The following ZNF750 variants were observed in gnomAD, a reference collection of about 807,000 sequenced individuals.
ZNF750 encodes the protein protein ZNF750.
A neutral mutation model predicts 31.6 loss-of-function variants in ZNF750; 10 were observed. The observed-to-expected ratio is 0.32, with a 90% CI of 0.19 to 0.54. The LOEUF is 0.54. ZNF750 is among the 20% of genes least tolerant of loss of function. ZNF750 has a pLI of 0.95. For synonymous variants in ZNF750, 400 were observed against 404.9 expected, an observed-to-expected ratio of 0.99 and a Z score of 0.15; for missense variants, 914 against 934.9, an observed-to-expected ratio of 0.98 and a Z score of 0.29.
At position 82,831,729 on chromosome 17, in the gene ZNF750, G is replaced by A. The variant is rs576200542; in HGVS notation, c.726C>T (p.Tyr242=). 1.9e-6 allele frequency: 3 copies of A among 1,614,198 alleles called. No homozygotes were observed. In the African/African-American group the frequency reaches 4.0e-5, roughly 22 times the overall value. ...SPYMHPTIPE[Y]PPHFYTEHGL... ...CGTGCTCTGTGTAAAAGTGAGGCGG[G>A]TACTCTGGGATTGTGGGGTGCATGT... is the stretch of plus-strand genomic sequence containing the variant. The change falls in exon 2 of 3, where the codon TAC becomes TAT. Residue 242 remains tyrosine (Y), a synonymous_variant. Transcript: ENST00000269394. The surrounding 1 kb of genome is among the most constrained non-coding windows in gnomAD (Gnocchi z 4.6).
intron 1 of ZNF750, among the ~76,000 whole-genome samples, chr17:82,839,631 A>G (rs764312702): frequency 2.3e-4 from 35 of 152,356 alleles, no homozygotes; most frequent in Admixed American, 7.8e-4. Context: ...GGAGCAGTTA[A>G]GCAATAATAT....
At chr17:82,836,751 T>A (rs755897709) in intron 1 of ZNF750, among the ~76,000 whole-genome samples, 1 of 149,702 alleles carries the variant, frequency 6.7e-6, no homozygotes, top group Non-Finnish European at 1.5e-5. Flanking sequence ...ACAAAACCCG[T>A]GTTGGTTAGA....
rs1444519488 is a variant in ZNF750 at position 82,829,729 on chromosome 17, A to C, written c.*413T>G. 1.6e-5 allele frequency: 3 copies of C among 190,226 alleles called. No homozygotes were observed. The highest frequency in any genetic ancestry group is 3.3e-5 in the Non-Finnish European group (3 of 90,118). 11.8% of individuals were successfully genotyped at this position (190,226 alleles called of 1,614,324 possible). On this transcript the variant is annotated 3_prime_UTR_variant, in exon 3 of 3. Coordinates refer to ENST00000269394, the MANE Select transcript of ZNF750 (RefSeq NM_024702.3). ...TTTTTACATATGGCACTTTAATGTT[A>C]GTACTGAAAATGTTTTTTCTGACAT... is the stretch of plus-strand genomic sequence containing the variant.
rs945752420 is a variant in ZNF750, at chr17:82,830,492, C to G, written c.1822G>C (p.Gly608Arg). 4 of 1,613,440 alleles carry G rather than the reference C, an allele frequency of 2.5e-6. No individual in the cohort carries two copies. The highest frequency in any genetic ancestry group is 3.4e-6 in the Non-Finnish European group (4 of 1,179,734). Residue 608 changes from glycine to arginine, a missense_variant, in exon 3 of 3, where the codon GGG (glycine) becomes CGG (arginine). Gly to Arg is a moderately radical substitution (Grantham distance 125). This residue lies in a region of ZNF750 where 880 missense variants were observed against 868.9 expected (regional missense o/e 1.01). Coordinates refer to ENST00000269394, the MANE Select transcript of ZNF750 (RefSeq NM_024702.3). ...TCGCCGGGGCCTGTGGGTGGGGCCC[C>G]GTCACCGTCGAGGCTGCCTGGCTTG... Reference protein sequence around the residue: ...ETKPGSLDGDGAPPTGPGEEA... With the variant: ...ETKPGSLDGDRAPPTGPGEEA...
In ZNF750 at chr17:82,833,918, G is replaced by GC. The variant is rs2053728594; in HGVS notation, c.-182-1283dup. On this transcript the variant is annotated intron_variant, in intron 1 of 2. Coordinates refer to ENST00000269394, the MANE Select transcript of ZNF750 (RefSeq NM_024702.3). This position sits in a 1 kb window ranked among gnomAD's most constrained non-coding sequence, Gnocchi z 4.7. ...GCCTCAGGTTTCCTTCAGAGGCTGT[G>GC]CCGCACGCCCAAGGCTGAGAACAAA... Among the ~76,000 whole-genome samples, 1 of 151,892 alleles carries GC rather than the reference G, an allele frequency of 6.6e-6. No individual in the cohort carries two copies.
At chr17:82,836,183 T>C (rs2053956566) in intron 1 of ZNF750, among the ~76,000 whole-genome samples, 7 of 152,248 alleles carry the variant, frequency 4.6e-5, no homozygotes, top group Admixed American at 4.6e-4. Flanking sequence ...TTTCCCTGCC[T>C]CCCTTCAGGA....
In ZNF750 at chr17:82,831,837, G is replaced by C; in HGVS notation, c.618C>G (p.Pro206=). 6.2e-7 allele frequency: 1 copy of C among 1,614,248 alleles called. No individual in the cohort carries two copies. Reference sequence around the variant, plus strand: ...GAAGGAAAGGTGAGCCGGCTTTCCAGGGGTAGCCAGGAGTGTGGAAGGCCG... The same window carrying C: ...GAAGGAAAGGTGAGCCGGCTTTCCACGGGTAGCCAGGAGTGTGGAAGGCCG... ...TKSAFHTPGY[P]WKAGSPFLPP... The change falls in exon 2 of 3, where the codon CCC becomes CCG. Residue 206 remains proline (P), a synonymous_variant. Transcript: ENST00000269394. This position sits in a 1 kb window ranked among gnomAD's most constrained non-coding sequence, Gnocchi z 4.6.
rs749375697 is a variant in ZNF750 at position 82,830,854 on chromosome 17, G to C, written c.1460C>G (p.Pro487Arg). The C allele has an allele frequency of 1.1e-5, 18 of 1,612,862 alleles. No individual in the cohort carries two copies. The East Asian group carries it at 3.8e-4, about 34-fold the overall frequency. Residue 487 changes from proline to arginine, a missense_variant, in exon 3 of 3, where the codon CCT (proline) becomes CGT (arginine). Coordinates refer to ENST00000269394, the MANE Select transcript of ZNF750 (RefSeq NM_024702.3). The part of the protein sequence containing the change: ...PVSLNVVNGD[P>R]PAPTGSASLV... ...AGAGGCGCTTCCGGTCGGAGCAGGAGGGTCTCCGTTCACAACATTGAGGCT... is the reference window on the plus strand; with the variant it reads ...AGAGGCGCTTCCGGTCGGAGCAGGACGGTCTCCGTTCACAACATTGAGGCT...
At position 82,832,563 on chromosome 17, in the gene ZNF750, C is replaced by T. The variant is rs772358215; in HGVS notation, c.-109G>A. On this transcript the variant is annotated 5_prime_UTR_variant, in exon 2 of 3. Coordinates refer to ENST00000269394, the MANE Select transcript of ZNF750 (RefSeq NM_024702.3). This position sits in a 1 kb window ranked among gnomAD's most constrained non-coding sequence, Gnocchi z 4.9. ...GCACCTCCCGCTTTGCTTTCTTTCCCGATCACTTCTATCAGAAGCCAGCTC... is the reference window on the plus strand; with the variant it reads ...GCACCTCCCGCTTTGCTTTCTTTCCTGATCACTTCTATCAGAAGCCAGCTC... 3.0e-5 allele frequency: 29 copies of T among 982,350 alleles called. No individual in the cohort carries two copies. The highest frequency in any genetic ancestry group is 1.5e-4 in the East Asian group (6 of 40,062). The allele number at this position is 982,350 out of a possible 1,614,324, so 60.9% of individuals were successfully genotyped here.
rs770305897 is a variant in ZNF750 at position 82,830,351 on chromosome 17, C to A, written c.1963G>T (p.Asp655Tyr). Reference sequence around the variant, plus strand: ...CAGGCAGGTTCCGGGGCCGCAGCATCCCCATCGCCCACCCGGATGTTCCTG... The same window carrying A: ...CAGGCAGGTTCCGGGGCCGCAGCATACCCATCGCCCACCCGGATGTTCCTG... ...SPRNIRVGDG[D>Y]AAAPEPACRQ... Residue 655 changes from aspartate (D) to tyrosine (Y), a missense_variant, in exon 3 of 3, where the codon GAT becomes TAT. By Grantham distance (160) the Asp-to-Tyr change is radical (BLOSUM62 -3). This residue lies in a region of ZNF750 where 880 missense variants were observed against 868.9 expected (regional missense o/e 1.01). Coordinates refer to ENST00000269394, the MANE Select transcript of ZNF750 (RefSeq NM_024702.3). The A allele has an allele frequency of 5.6e-6, 9 of 1,613,630 alleles. No individual in the cohort carries two copies. Among genetic ancestry groups the A allele is most frequent in the African/African-American group, 1.3e-5 (1 of 75,074 alleles).
Position 82,832,523 on chromosome 17 carries a change from G to T in ZNF750, c.-69C>A, listed in dbSNP as rs1431608484. 1 of 1,433,832 alleles carries T rather than the reference G, an allele frequency of 7.0e-7. No individual in the cohort carries two copies. Among genetic ancestry groups the T allele is most frequent in the East Asian group, 2.3e-5 (1 of 44,088 alleles). 88.8% of individuals were successfully genotyped at this position (1,433,832 alleles called of 1,614,324 possible). A position where few individuals can be genotyped will look rare whatever the true frequency, so the allele number is the denominator to read the frequency against. On this transcript the variant is annotated 5_prime_UTR_variant, in exon 2 of 3. Coordinates refer to ENST00000269394, the MANE Select transcript of ZNF750 (RefSeq NM_024702.3). This position sits in a 1 kb window ranked among gnomAD's most constrained non-coding sequence, Gnocchi z 4.9. ...TCACTGTCGACGCCGCGTGCACTTC[G>T]TGGTTTCTAAAGAGGCACCTCCCGC... is the stretch of plus-strand genomic sequence containing the variant.
Position 82,830,519 on chromosome 17 carries a change from T to C in ZNF750, c.1795A>G (p.Thr599Ala). ...GSEDGPSHPE[T>A]KPGSLDGDGA... ...TCACCGTCGAGGCTGCCTGGCTTGG[T>C]CTCAGGGTGGCTGGGCCCATCCTCA... Residue 599 changes from threonine (T) to alanine (A), a missense_variant, in exon 3 of 3, where the codon ACC becomes GCC. This residue lies in a region of ZNF750 where 880 missense variants were observed against 868.9 expected (regional missense o/e 1.01). Coordinates refer to ENST00000269394, the MANE Select transcript of ZNF750 (RefSeq NM_024702.3). 6.2e-7 allele frequency: 1 copy of C among 1,613,820 alleles called. No individual in the cohort carries two copies. Among genetic ancestry groups the C allele is most frequent in the Non-Finnish European group, 8.5e-7 (1 of 1,179,910 alleles).
rs780561279 is a variant in ZNF750 at position 82,830,433 on chromosome 17, G to T, written c.1881C>A (p.Ser627Arg). The T allele has an allele frequency of 3.1e-6, 5 of 1,611,786 alleles. No individual in the cohort carries two copies. The Admixed American group carries it at 6.7e-5, about 21-fold the overall frequency. The change falls in exon 3 of 3, where the codon AGC becomes AGA. Residue 627 changes from serine to arginine, a missense_variant. Physicochemically the swap from Ser to Arg is moderately radical, Grantham distance 110. Coordinates refer to ENST00000269394, the MANE Select transcript of ZNF750 (RefSeq NM_024702.3). ...EAPDACAVDS[S>R]EEQKQTAAVA... ...CGGCTGCCGTCTGCTTCTGCTCCTC[G>T]CTGCTGTCCACCGCGCATGCGTCTG...
Position 82,832,187 on chromosome 17 carries a change from A to C in ZNF750, c.268T>G (p.Ser90Ala). Residue 90 changes from serine (S) to alanine (A), a missense_variant, in exon 2 of 3, where the codon TCT becomes GCT. Transcript: ENST00000269394. The surrounding 1 kb of genome is among the most constrained non-coding windows in gnomAD (Gnocchi z 4.9). ...DATAKPASSK[S>A]VANGLSAFDS... is the part of the protein sequence containing the mutation. ...AAGGCAGAGAGTCCATTTGCGACAG[A>C]CTTGGAAGAGGCTGGCTTCGCCGTG... 6.2e-7 allele frequency: 1 copy of C among 1,614,224 alleles called. No homozygotes were observed.
intron 1 of ZNF750, among the ~76,000 whole-genome samples, chr17:82,837,422 G>A (rs558020274): frequency 6.6e-6 from 1 of 152,214 alleles, no homozygotes; most frequent in Non-Finnish European, 1.5e-5. Context: ...GCTGTTTACA[G>A]TAATTTGGAT....
intron 1 of ZNF750, among the ~76,000 whole-genome samples, chr17:82,837,637 G>C (rs1422275055): frequency 6.6e-6 from 1 of 152,112 alleles, no homozygotes; most frequent in Non-Finnish European, 1.5e-5. Context: ...AGACCTCGGT[G>C]TGATCCTGAA....
rs112584104 is a variant in ZNF750, at chr17:82,835,228, C to T, written c.-182-2592G>A. Among the ~76,000 whole-genome samples the T allele has an allele frequency of 2.0e-5, 3 of 152,130 alleles. No individual in the cohort carries two copies. The highest frequency in any genetic ancestry group is 2.9e-5 in the Non-Finnish European group (2 of 67,984). On this transcript the variant is annotated intron_variant, in intron 1 of 2. Transcript: ENST00000269394. This position sits in a 1 kb window ranked among gnomAD's most constrained non-coding sequence, Gnocchi z 4.5. ...AAGCCGCCCCTTGAAAATAGAGCAA[C>T]GTGTGTGGGAGCCTAGGAGGCAGCT... is the stretch of plus-strand genomic sequence containing the variant.
intron 1 of ZNF750, chr17:82,839,034 T>C (rs2054230628): frequency 2.1e-6 from 2 of 944,600 alleles, no homozygotes; most frequent in African/African-American, 3.5e-5. Context: ...TGTATCTGTG[T>C]CTATATGTAC....
At chr17:82,838,725 T>C (rs2145406947) in intron 1 of ZNF750, 1 of 985,374 alleles carries the variant, frequency 1.0e-6, no homozygotes. Flanking sequence ...AACCAAGACC[T>C]GGGGAAAAGA....
Sources: allele counts gnomAD v4.1 joint callset (sites outside exome capture counted in the v4.1 genomes callset), GRCh38; gene constraint gnomAD v4.1.1; regional missense constraint gnomAD v4.1.1; non-coding constraint Gnocchi (gnomAD v3.1); transcripts MANE v1.5; gene names NCBI Gene and HGNC (gene_info 2026-07-23, HGNC 2026-07-21).